The following TRMT11 variants were observed in gnomAD, a reference collection of about 807,000 sequenced individuals.
TRMT11 encodes the protein tRNA methyltransferase 11, also known as tRNA (guanine(10)-N(2))-methyltransferase TRMT11.
TRMT11 carries 53 observed loss-of-function variants against 62.8 expected under a neutral mutation model. That is an observed-to-expected ratio of 0.84 (90% CI 0.68 to 1.06). TRMT11 has a LOEUF of 1.06. Among genes scored for constraint, TRMT11 ranks in the 50% least tolerant of loss-of-function variants. TRMT11 has a pLI of 0.00. For synonymous variants in TRMT11, 188 were observed against 190.3 expected (o/e 0.99, Z 0.10); for missense variants, 556 against 553.4 (o/e 1.00, Z -0.05).
chr6:126,041,872 T>G (rs1335717158), downstream of TRMT11, among the ~76,000 whole-genome samples: 2 of 152,126 alleles, frequency 1.3e-5, no homozygotes, highest in Admixed American at 6.6e-5. Context: ...TTAAAGTTAT[T>G]TAGAAAACTA....
chr6:126,143,636 G>C (rs1201235790), intron 21 of TRMT11, among the ~76,000 whole-genome samples: 1 of 152,084 alleles, frequency 6.6e-6, no homozygotes, highest in Non-Finnish European at 1.5e-5. Flanking sequence ...CCAAATCACT[G>C]ACCATAGCCC....
At chr6:126,197,892 CCAAAGGAAAACATGAACA>C (rs1778685185) in intron 1 of TRMT11, among the ~76,000 whole-genome samples, 1 of 152,052 alleles carries the variant, frequency 6.6e-6, no homozygotes, top group African/African-American at 2.4e-5. Flanking sequence ...CAGTGAGGGA[CCAAAGGAAAACATGAACA>C]CAAAGGACAT....
chr6:126,184,168 C>G (rs1778500561), intron 1 of TRMT11, among the ~76,000 whole-genome samples: 1 of 152,156 alleles, frequency 6.6e-6, no homozygotes, highest in Admixed American at 6.5e-5. Flanking sequence ...TTATGAAGCA[C>G]AGGTAATGCA....
intron 17 of TRMT11, among the ~76,000 whole-genome samples, chr6:126,074,917 T>C (rs1776973959): frequency 6.6e-6 from 1 of 152,202 alleles, no homozygotes; most frequent in Admixed American, 6.5e-5. Context: ...TTTATTGAAG[T>C]ATATAAAAAT....
At chr6:126,248,832 A>G in the TRMT11 span, among the ~76,000 whole-genome samples, 1 of 152,130 alleles carries the variant, frequency 6.6e-6, no homozygotes, top group Non-Finnish European at 1.5e-5. Context: ...ACAAAATATT[A>G]TTACTAAAAC....
chr6:126,029,371 T>A (rs1310817585), intron 12 of TRMT11, among the ~76,000 whole-genome samples: 1 of 152,136 alleles, frequency 6.6e-6, no homozygotes, highest in Non-Finnish European at 1.5e-5. Flanking sequence ...CCCCCTTTTG[T>A]GGCCATTGTT....
intron 16 of TRMT11, among the ~76,000 whole-genome samples, chr6:126,048,661 G>T (rs117682943): frequency 1.3e-5 from 2 of 152,250 alleles, no homozygotes; most frequent in Non-Finnish European, 1.5e-5. Flanking sequence ...GTTATAGACA[G>T]GACACAAGTA....
the TRMT11 span, among the ~76,000 whole-genome samples, chr6:126,263,469 A>G: frequency 3.2e-4 from 49 of 152,346 alleles, no homozygotes; most frequent in African/African-American, 1.2e-3. Context: ...AAATCTCCAC[A>G]AAAACATGCA....
At chr6:126,193,520 A>G (rs7756832) in intron 1 of TRMT11, among the ~76,000 whole-genome samples, 12,316 of 119,332 alleles carry the variant, frequency 0.1, 2,417 homozygotes, top group African/African-American at 0.4. Flanking sequence ...TTTTTGAGAC[A>G]CAGTCTCACT....
intron 21 of TRMT11, among the ~76,000 whole-genome samples, chr6:126,130,494 T>G (rs374721443): frequency 3.3e-5 from 5 of 152,108 alleles, no homozygotes; most frequent in South Asian, 4.1e-4. Flanking sequence ...AATGTTCTTC[T>G]GCCTGTAGGG....
chr6:126,259,437 T>C, the TRMT11 span, among the ~76,000 whole-genome samples: 25 of 152,350 alleles, frequency 1.6e-4, no homozygotes, highest in African/African-American at 5.5e-4. Flanking sequence ...CCTTAGGTGA[T>C]CTGCCTGCCT....
intron 17 of TRMT11, among the ~76,000 whole-genome samples, chr6:126,103,262 C>T (rs778888919): frequency 2.0e-5 from 3 of 152,158 alleles, no homozygotes; most frequent in Admixed American, 1.3e-4. Context: ...ATCTTTCCAT[C>T]CAGATTGTAA....
the TRMT11 span, among the ~76,000 whole-genome samples, chr6:126,210,693 T>C: frequency 6.6e-6 from 1 of 152,228 alleles, no homozygotes; most frequent in African/African-American, 2.4e-5. Flanking sequence ...CTCTTGGCTG[T>C]CTTAAAGCTA....
At chr6:126,270,960 T>G in the TRMT11 span, among the ~76,000 whole-genome samples, 24 of 152,336 alleles carry the variant, frequency 1.6e-4, no homozygotes, top group African/African-American at 4.6e-4. Flanking sequence ...CTGATTTAAT[T>G]TGGTGTAAAT....
At chr6:126,028,130 C>A (rs2128026619) in intron 12 of TRMT11, among the ~76,000 whole-genome samples, 1 of 152,180 alleles carries the variant, frequency 6.6e-6, no homozygotes, top group South Asian at 2.1e-4. Flanking sequence ...TAAAGTGAGT[C>A]TCTTCTGATT....
intron 21 of TRMT11, among the ~76,000 whole-genome samples, chr6:126,152,663 C>T (rs140193195): frequency 5.9e-5 from 9 of 152,278 alleles, no homozygotes; most frequent in Admixed American, 1.3e-4. Context: ...AACTATTTCT[C>T]AGGCTGGAGT....
Position 125,993,782 on chromosome 6 carries a change from T to G in TRMT11, c.98T>G (p.Phe33Cys), listed in dbSNP as rs1250165291. 3 of 1,611,030 alleles carry G rather than the reference T, an allele frequency of 1.9e-6. No individual in the cohort carries two copies. Among genetic ancestry groups the G allele is most frequent in the Non-Finnish European group, 2.5e-6 (3 of 1,177,728 alleles). The change falls in exon 2 of 13, where the codon TTT becomes TGT. Residue 33 changes from phenylalanine to cysteine, a missense_variant. Transcript: ENST00000334379. ...LPEIKSLLLL[F>C]GGQFASSQET... is the part of the protein sequence containing the mutation. The stretch of plus-strand genomic sequence containing the variant: ...GAAATAAAGTCTTTGCTTTTGCTTT[T>G]TGGAGGTCAGTTTGCCAGCAGTCAA...
chr6:126,000,444 A>G (rs987070483), intron 7 of TRMT11, among the ~76,000 whole-genome samples: 1 of 152,148 alleles, frequency 6.6e-6, no homozygotes, highest in African/African-American at 2.4e-5. Context: ...TGATGCTACT[A>G]TCTAGTTTAA....
At chr6:126,234,971 A>G in the TRMT11 span, among the ~76,000 whole-genome samples, 1 of 152,192 alleles carries the variant, frequency 6.6e-6, no homozygotes, top group Non-Finnish European at 1.5e-5. Context: ...GTAATGCATG[A>G]ATTTGTTTAT....
Sources: allele counts gnomAD v4.1 joint callset (sites outside exome capture counted in the v4.1 genomes callset), GRCh38; gene constraint gnomAD v4.1.1; transcripts MANE v1.5; gene names NCBI Gene and HGNC (gene_info 2026-07-23, HGNC 2026-07-21).